The following RNF217 variants were observed in gnomAD, a reference collection of about 807,000 sequenced individuals.
RNF217 encodes ring finger protein 217.
RNF217 carries 31 observed loss-of-function variants against 57.8 expected under a neutral mutation model. The ratio of observed to expected loss-of-function variants is 0.54; its 90% CI spans 0.40 to 0.72. RNF217 has a LOEUF of 0.72. Among genes scored for constraint, RNF217 ranks in the 30% least tolerant of loss-of-function variants. The pLI is 0.00. For synonymous variants in RNF217, 313 were observed against 294.0 expected, an observed-to-expected ratio of 1.06 and a Z score of -0.66; for missense variants, 696 against 708.3, an observed-to-expected ratio of 0.98 and a Z score of 0.20.
chr6:125,066,245 A>G (rs1462077562), intron 3 of RNF217, among the ~76,000 whole-genome samples: 5 of 152,166 alleles, frequency 3.3e-5, no homozygotes, highest in African/African-American at 1.2e-4. Context: ...AGCAGCTAGA[A>G]TGATGCTGTT....
At chr6:125,053,739 A>T (rs1473739822) in intron 2 of RNF217, among the ~76,000 whole-genome samples, 1 of 152,072 alleles carries the variant, frequency 6.6e-6, no homozygotes, top group Admixed American at 6.6e-5. Context: ...TGGTAAAACT[A>T]AGGGTATTCA....
chr6:124,982,252 CT>C (rs1227014183), intron 1 of RNF217, among the ~76,000 whole-genome samples: 1 of 152,068 alleles, frequency 6.6e-6, no homozygotes, highest in Admixed American at 6.5e-5. Flanking sequence ...TCATATTCAT[CT>C]TTCTGTCAAG....
chr6:124,986,940 G>A (rs1334424), intron 1 of RNF217, among the ~76,000 whole-genome samples: 36,630 of 152,004 alleles, frequency 0.24, 4,819 homozygotes, highest in East Asian at 0.4. Context: ...TGTCATCAGT[G>A]TTAATTGTAA....
At position 125,084,020 on chromosome 6, in the gene RNF217, C is replaced by T. The variant is rs1392700451; in HGVS notation, c.*1083C>T. The T allele has an allele frequency of 1.3e-5, 2 of 152,022 alleles. No homozygotes were observed. The highest frequency in any genetic ancestry group is 2.9e-5 in the Non-Finnish European group (2 of 67,958). The allele number at this position is 152,022 out of a possible 1,614,324, so 9.4% of individuals were successfully genotyped here. On this transcript the variant is annotated 3_prime_UTR_variant, in exon 6 of 6. Transcript: ENST00000521654. ...CCTATTCTGCTAATTTTTTAACCAA[C>T]TTGTAATTATAGATAATTCTGCTTT...
intron 1 of RNF217, among the ~76,000 whole-genome samples, chr6:125,034,963 T>C (rs1786541763): frequency 6.6e-6 from 1 of 152,168 alleles, no homozygotes; most frequent in Admixed American, 6.5e-5. Context: ...GAAGCAATTG[T>C]GAATGGGAGT....
chr6:125,012,631 A>G (rs146467615), intron 1 of RNF217, among the ~76,000 whole-genome samples: 52 of 152,262 alleles, frequency 3.4e-4, no homozygotes, highest in African/African-American at 1.2e-3. Context: ...CAGAATTTTC[A>G]TGAATTTGTT....
At chr6:124,998,537 A>G (rs917072339) in intron 1 of RNF217, among the ~76,000 whole-genome samples, 1 of 152,090 alleles carries the variant, frequency 6.6e-6, no homozygotes, top group Non-Finnish European at 1.5e-5. Context: ...CCGTGGCTCA[A>G]ACCTGTAGTC....
Position 125,084,072 on chromosome 6 carries a change from T to A in RNF217, c.*1135T>A, listed in dbSNP as rs1788695876. ...GGTCAAGGTCTTACATCATTTAATATCCTAACCTTGTTATCTCTTGCCTCC... is the reference window on the plus strand; with the variant it reads ...GGTCAAGGTCTTACATCATTTAATAACCTAACCTTGTTATCTCTTGCCTCC... On this transcript the variant is annotated 3_prime_UTR_variant, in exon 6 of 6. Coordinates refer to ENST00000521654, the MANE Select transcript of RNF217 (RefSeq NM_001286398.3). 1 of 152,066 alleles carries A rather than the reference T, an allele frequency of 6.6e-6. No homozygotes were observed. The highest frequency in any genetic ancestry group is 2.1e-4 in the South Asian group (1 of 4,830). The allele number at this position is 152,066 out of a possible 1,614,324, so 9.4% of individuals were successfully genotyped here.
At chr6:125,041,947 T>A (rs570631819) in intron 1 of RNF217, among the ~76,000 whole-genome samples, 3 of 152,064 alleles carry the variant, frequency 2.0e-5, no homozygotes, top group Non-Finnish European at 4.4e-5. Flanking sequence ...TATTGTGCAA[T>A]ACTAATTTCT....
chr6:125,036,931 TAAC>T (rs1786653012), intron 1 of RNF217, among the ~76,000 whole-genome samples: 1 of 149,430 alleles, frequency 6.7e-6, no homozygotes, highest in Non-Finnish European at 1.5e-5. Flanking sequence ...AAGCAGGAAA[TAAC>T]AGATGGAGAG....
chr6:125,046,822 T>G (rs1365038117), intron 2 of RNF217, among the ~76,000 whole-genome samples: 1 of 152,110 alleles, frequency 6.6e-6, no homozygotes, highest in Non-Finnish European at 1.5e-5. Context: ...TCGTTGTTCT[T>G]TGAAACTGCT....
rs1787291198 is a variant in RNF217 at position 125,050,977 on chromosome 6, G to A, written c.1116+5533G>A. On this transcript the variant is annotated intron_variant, in intron 2 of 5. Coordinates refer to ENST00000521654, the MANE Select transcript of RNF217 (RefSeq NM_001286398.3). ...AGTGTGTGTTACATACATTACCCTT[G>A]AAAAAACATATAACACTCAGCTATG... is the stretch of plus-strand genomic sequence containing the variant. Among the ~76,000 whole-genome samples the A allele has an allele frequency of 2.6e-5, 4 of 151,862 alleles. No individual in the cohort carries two copies. The Middle Eastern group carries it at 0.01, about 387-fold the overall frequency.
rs894985014 is a variant in RNF217, at chr6:125,031,677, C to T, written c.883-13534C>T. On this transcript the variant is annotated intron_variant, in intron 1 of 5. Transcript: ENST00000521654. ...AGCCTGGACCTTCTTGTTCATATCA[C>T]TATAAGCATTTTCATTAAAGCCATT... is the stretch of plus-strand genomic sequence containing the variant. 1.2e-4 allele frequency among the ~76,000 whole-genome samples: 19 copies of T among 152,290 alleles called. No homozygotes were observed. The East Asian group carries it at 3.5e-3, about 28-fold the overall frequency.
rs1392529513 is a variant in RNF217, at chr6:124,963,046, T to G, written c.502T>G (p.Cys168Gly). 5 of 1,583,724 alleles carry G rather than the reference T, an allele frequency of 3.2e-6. No individual in the cohort carries two copies. The highest frequency in any genetic ancestry group is 4.3e-6 in the Non-Finnish European group (5 of 1,173,248). The change falls in exon 1 of 6, where the codon TGC becomes GGC. Residue 168 changes from cysteine to glycine, a missense_variant. Coordinates refer to ENST00000521654, the MANE Select transcript of RNF217 (RefSeq NM_001286398.3). ...AKRQVFCSVYCVESDLPEAPA... is the reference protein window; with the variant it reads ...AKRQVFCSVYGVESDLPEAPA... ...GAGACAAGTCTTCTGCTCCGTGTAC[T>G]GCGTGGAGAGCGACCTGCCCGAGGC...
chr6:125,082,133 A>T (rs1322633), intron 5 of RNF217, among the ~76,000 whole-genome samples: 1 of 151,956 alleles, frequency 6.6e-6, no homozygotes, highest in Non-Finnish European at 1.5e-5. Flanking sequence ...CTGACTCGGT[A>T]TATGGGAAAA....
intron 2 of RNF217, among the ~76,000 whole-genome samples, chr6:125,051,513 C>T (rs1429592000): frequency 6.6e-6 from 1 of 152,048 alleles, no homozygotes; most frequent in African/African-American, 2.4e-5. Flanking sequence ...GGGCTGTCTA[C>T]ACAGTGCACG....
chr6:125,081,476 ATT>A lies in RNF217; in HGVS notation c.1525_1526del (p.Leu509GlyfsTer21). 6.2e-7 allele frequency: 1 copy of A among 1,611,622 alleles called. No individual in the cohort carries two copies. Reference sequence around the variant, plus strand: ...TTGCACCTCTAATTATGGTTTTGGGATTGGCACTAGGGGCCATAGCGGTTGTA... The same window carrying A: ...TTGCACCTCTAATTATGGTTTTGGGAGGCACTAGGGGCCATAGCGGTTGTA... ...FIAPLIMVLG[L>X]ALGAIAVVIG... On this transcript the variant is annotated frameshift_variant, in exon 5 of 6. Coordinates refer to ENST00000521654, the MANE Select transcript of RNF217 (RefSeq NM_001286398.3). LOFTEE classifies it high-confidence loss of function.
intron 1 of RNF217, among the ~76,000 whole-genome samples, chr6:124,998,710 A>G (rs1412669885): frequency 6.6e-6 from 1 of 152,180 alleles, no homozygotes; most frequent in African/African-American, 2.4e-5. Context: ...CCCAGGCAGG[A>G]GAATCGTTTG....
At position 124,978,318 on chromosome 6, in the gene RNF217, G is replaced by C. The variant is rs184860610; in HGVS notation, c.882+14892G>C. Among the ~76,000 whole-genome samples the C allele has an allele frequency of 9.5e-4, 145 of 151,956 alleles. 1 individual carries two copies. Among genetic ancestry groups the C allele is most frequent in the South Asian group, 1.9e-3 (9 of 4,786 alleles). On this transcript the variant is annotated intron_variant, in intron 1 of 5. Coordinates refer to ENST00000521654, the MANE Select transcript of RNF217 (RefSeq NM_001286398.3). Reference sequence around the variant, plus strand: ...GGGCTTGCTCCACCTGCTTAGCCCGGCAGGCTGCATTCCGCTTGTGCCCCA... The same window carrying C: ...GGGCTTGCTCCACCTGCTTAGCCCGCCAGGCTGCATTCCGCTTGTGCCCCA...
Sources: gnomAD v4.1 joint callset for allele counts (sites outside exome capture counted in the v4.1 genomes callset) on GRCh38, gnomAD v4.1.1 for gene constraint, MANE v1.5 for transcripts, NCBI Gene and HGNC (gene_info 2026-07-23, HGNC 2026-07-21) for gene names.